Variants in KLRG1 observed in about 807,000 individuals in gnomAD.
KLRG1 encodes killer cell lectin-like receptor subfamily G member 1.
A neutral mutation model predicts 21.8 loss-of-function variants in KLRG1; 16 were observed. The observed-to-expected ratio is 0.73, with a 90% CI of 0.50 to 1.11. KLRG1 has a LOEUF of 1.11. KLRG1 is among the 50% of genes most tolerant of loss of function. The pLI, the probability that KLRG1 is intolerant of heterozygous loss-of-function variation, is 0.00. For missense variants in KLRG1, 173 were observed against 218.3 expected, an observed-to-expected ratio of 0.79 and a Z score of 1.31; for synonymous variants, 69 against 75.9, an observed-to-expected ratio of 0.91 and a Z score of 0.47.
At chr12:9,007,794 T>C (rs1592282673) in intron 3 of KLRG1, among the ~76,000 whole-genome samples, 1 of 152,320 alleles carries the variant, frequency 6.6e-6, no homozygotes, top group South Asian at 2.1e-4. Context: ...AAAAAGAATA[T>C]TTTATTCCAA....
chr12:9,017,345 C>T, the KLRG1 span, among the ~76,000 whole-genome samples: 2 of 143,206 alleles, frequency 1.4e-5, no homozygotes, highest in South Asian at 4.4e-4. Flanking sequence ...CCCTGATAGA[C>T]ATTGATGCAA....
At chr12:9,132,424 G>C in the KLRG1 span, among the ~76,000 whole-genome samples, 2 of 152,352 alleles carry the variant, frequency 1.3e-5, no homozygotes, top group South Asian at 4.1e-4. Context: ...CTGTGGCTTA[G>C]GGATTAGGCT....
the KLRG1 span, among the ~76,000 whole-genome samples, chr12:9,127,515 T>G: frequency 6.6e-6 from 1 of 152,202 alleles, no homozygotes; most frequent in African/African-American, 2.4e-5. Context: ...GTTCTCTGCC[T>G]CACCCTAACT....
the KLRG1 span, chr12:9,157,348 A>G: frequency 6.2e-7 from 1 of 1,612,650 alleles, no homozygotes. Context: ...ATTGCGAACA[A>G]TAGGGTTCTG....
the KLRG1 span, chr12:9,157,309 T>G: frequency 6.2e-7 from 1 of 1,614,098 alleles, no homozygotes; most frequent in East Asian, 2.2e-5. Context: ...CTTTGCTACA[T>G]TCCAGGCTGA....
chr12:9,099,653 A>G, the KLRG1 span: 1 of 1,155,862 alleles, frequency 8.7e-7, no homozygotes, highest in Non-Finnish European at 1.2e-6. Context: ...AGCTTTAGAA[A>G]AAAACCCTAT....
chr12:9,148,826 G>T, the KLRG1 span: 1 of 646,940 alleles, frequency 1.5e-6, no homozygotes. Flanking sequence ...ATGAATGAAT[G>T]ATGCAACAAG....
the KLRG1 span, chr12:9,160,596 G>T: frequency 9.7e-7 from 1 of 1,028,584 alleles, no homozygotes; most frequent in Non-Finnish European, 1.4e-6. Flanking sequence ...TTAGGTAAGA[G>T]AAAAGTTATA....
the KLRG1 span, chr12:9,128,118 A>G: frequency 5.2e-6 from 1 of 192,416 alleles, no homozygotes; most frequent in Non-Finnish European, 1.1e-5. Flanking sequence ...CAAGGCCTGC[A>G]GGAGGAGCTG....
At chr12:9,021,425 C>T in the KLRG1 span, among the ~76,000 whole-genome samples, 1 of 131,242 alleles carries the variant, frequency 7.6e-6, no homozygotes, top group Admixed American at 8.0e-5. Flanking sequence ...TTTTGAGACA[C>T]AGTTTTGCTT....
the KLRG1 span, chr12:9,166,273 A>T: frequency 6.6e-7 from 1 of 1,506,086 alleles, no homozygotes; most frequent in Non-Finnish European, 9.0e-7. Flanking sequence ...GTGAGACGTT[A>T]GAGAACAAAA....
At chr12:9,113,919 T>A in the KLRG1 span, among the ~76,000 whole-genome samples, 1 of 152,208 alleles carries the variant, frequency 6.6e-6, no homozygotes, top group South Asian at 2.1e-4. Context: ...CATGCGGACA[T>A]TACAAAAACT....
At chr12:8,967,015 A>T (rs896571696) in intron 1 of KLRG1, among the ~76,000 whole-genome samples, 1 of 149,256 alleles carries the variant, frequency 6.7e-6, no homozygotes, top group Non-Finnish European at 1.5e-5. Context: ...ATAAAAAATG[A>T]TGAGTTCATG....
chr12:9,028,817 CTT>C, the KLRG1 span: 1 of 629,816 alleles, frequency 1.6e-6, no homozygotes, highest in African/African-American at 1.8e-5. Context: ...AGAATCTTCT[CTT>C]GAGAAAGCTC....
At chr12:9,214,571 C>T in the KLRG1 span, among the ~76,000 whole-genome samples, 1 of 151,810 alleles carries the variant, frequency 6.6e-6, no homozygotes, top group African/African-American at 2.4e-5. Flanking sequence ...AAGATTACTG[C>T]CAAATATATT....
chr12:9,028,988 A>G, the KLRG1 span: 1 of 613,770 alleles, frequency 1.6e-6, no homozygotes, highest in Non-Finnish European at 3.1e-6. Flanking sequence ...CCCATTGCTC[A>G]CAATGGCTCT....
At chr12:9,070,382 T>G in the KLRG1 span, 1 of 775,850 alleles carries the variant, frequency 1.3e-6, no homozygotes, top group Non-Finnish European at 2.2e-6. Flanking sequence ...GATAAGGCTT[T>G]GATAGAGATT....
chr12:9,124,625 G>A, the KLRG1 span, among the ~76,000 whole-genome samples: 1 of 152,198 alleles, frequency 6.6e-6, no homozygotes, highest in African/African-American at 2.4e-5. Context: ...ACAGGTGCAG[G>A]TCCAGGCATC....
the KLRG1 span, among the ~76,000 whole-genome samples, chr12:9,186,951 T>C: frequency 2.6e-5 from 4 of 151,934 alleles, no homozygotes; most frequent in Non-Finnish European, 5.9e-5. Context: ...TACACCTATG[T>C]AACAAACCTG....
Sources: gnomAD v4.1 joint callset for allele counts (sites outside exome capture counted in the v4.1 genomes callset) on GRCh38, gnomAD v4.1.1 for gene constraint, MANE v1.5 for transcripts, NCBI Gene and HGNC (gene_info 2026-07-23, HGNC 2026-07-21) for gene names.